Variants in IRAG1 observed in about 807,000 individuals in gnomAD.
IRAG1 encodes the protein inositol 1,4,5-triphosphate receptor associated 1.
In IRAG1, 62 loss-of-function variants were observed where a neutral mutation model predicts 106.2. That is an observed-to-expected ratio of 0.58 (90% CI 0.48 to 0.72). IRAG1 has a LOEUF of 0.72. IRAG1 is among the 30% of genes least tolerant of loss of function. The pLI is 0.00. For synonymous variants in IRAG1, 462 were observed against 443.9 expected (o/e 1.04, Z -0.51); for missense variants, 1,064 against 1,140.7 (o/e 0.93, Z 0.97).
In IRAG1 at chr11:10,628,590, A is replaced by T. The variant is rs990254997; in HGVS notation, c.652+161T>A. Among the ~76,000 whole-genome samples, 1 of 151,768 alleles carries T rather than the reference A, an allele frequency of 6.6e-6. No homozygotes were observed. Among genetic ancestry groups the T allele is most frequent in the Non-Finnish European group, 1.5e-5 (1 of 67,986 alleles). The stretch of plus-strand genomic sequence containing the variant: ...ATCTGCCTCCTCTGGGTGGCCCAGC[A>T]AATGCCCCCCCTGGAGAGGGGTCTT... On this transcript the variant is annotated intron_variant, in intron 6 of 20. Transcript: ENST00000423302. This position sits in a 1 kb window ranked among gnomAD's most constrained non-coding sequence, Gnocchi z 4.1.
rs993717182 is a variant in IRAG1, at chr11:10,628,185, A to G, written c.653-160T>C. 4 of 770,516 alleles carry G rather than the reference A, an allele frequency of 5.2e-6. No homozygotes were observed. In the African/African-American group the frequency reaches 6.9e-5, roughly 13 times the overall value. The allele number at this position is 770,516 out of a possible 1,614,324, so 47.7% of individuals were successfully genotyped here. Reference sequence around the variant, plus strand: ...GTGCCAGGTTCTCAGGTGGGCCCTCACAGAATGTTCACAGAGACCACAGGA... The same window carrying G: ...GTGCCAGGTTCTCAGGTGGGCCCTCGCAGAATGTTCACAGAGACCACAGGA... On this transcript the variant is annotated intron_variant, in intron 6 of 20. Coordinates refer to ENST00000423302, the MANE Select transcript of IRAG1 (RefSeq NM_130385.4). This position sits in a 1 kb window ranked among gnomAD's most constrained non-coding sequence, Gnocchi z 4.1.
intron 1 of IRAG1, among the ~76,000 whole-genome samples, chr11:10,672,406 C>A (rs184160697): frequency 1.9e-4 from 29 of 152,122 alleles, no homozygotes; most frequent in Non-Finnish European, 3.8e-4. Context: ...AAAATGACAA[C>A]CCACAGAATA....
intron 5 of IRAG1, among the ~76,000 whole-genome samples, chr11:10,629,038 G>A (rs1056091989): frequency 1.3e-5 from 2 of 152,034 alleles, no homozygotes; most frequent in Admixed American, 6.6e-5. Flanking sequence ...GGCCATTTGG[G>A]GGTTCGAGGA....
intron 1 of IRAG1, among the ~76,000 whole-genome samples, chr11:10,685,349 G>T (rs1861586420): frequency 1.3e-5 from 2 of 151,156 alleles, no homozygotes; most frequent in African/African-American, 4.9e-5. Context: ...TTGGGAGGCA[G>T]AGGTTGCAGT....
intron 1 of IRAG1, among the ~76,000 whole-genome samples, chr11:10,667,020 C>T (rs1372715741): frequency 6.6e-6 from 1 of 152,068 alleles, no homozygotes; most frequent in East Asian, 1.9e-4. Flanking sequence ...TTTCCTGTGC[C>T]CACAGTTGGT....
At chr11:10,601,317 C>T (rs535477257) in intron 14 of IRAG1, among the ~76,000 whole-genome samples, 31 of 152,024 alleles carry the variant, frequency 2.0e-4, no homozygotes, top group Admixed American at 4.6e-4. Flanking sequence ...TTGCAGAGAA[C>T]GGGTCAGGGG....
intron 1 of IRAG1, among the ~76,000 whole-genome samples, chr11:10,681,421 C>T (rs1300201019): frequency 6.6e-6 from 1 of 152,122 alleles, no homozygotes; most frequent in Non-Finnish European, 1.5e-5. Flanking sequence ...GGACCTGATG[C>T]CCATTCTAAC....
chr11:10,611,761 A>G (rs1854981445), intron 10 of IRAG1: 1 of 152,204 alleles, frequency 6.6e-6, no homozygotes, highest in Admixed American at 6.5e-5. Context: ...ATGGGAGAGA[A>G]AAAATTCTTA....
chr11:10,622,876 GACACACACACAC>G (rs10525799), intron 10 of IRAG1, among the ~76,000 whole-genome samples: 1 of 141,384 alleles, frequency 7.1e-6, no homozygotes, highest in Non-Finnish European at 1.6e-5. Flanking sequence ...GTAAGCAGTG[GACACACACACAC>G]ACACACACAC....
rs960474928 is a variant in IRAG1 at position 10,659,466 on chromosome 11, CAA to C, written c.68-7286_68-7285del. ...TTCCCCCAAGACTGTGTCCCCTAAA[CAA>C]AGTCACGTTTCGGGAGGCTGGCCCT... On this transcript the variant is annotated intron_variant, in intron 1 of 20. Transcript: ENST00000423302. This position sits in a 1 kb window ranked among gnomAD's most constrained non-coding sequence, Gnocchi z 4.1. 6.6e-6 allele frequency among the ~76,000 whole-genome samples: 1 copy of C among 152,164 alleles called. No homozygotes were observed. Among genetic ancestry groups the C allele is most frequent in the Non-Finnish European group, 1.5e-5 (1 of 68,028 alleles).
rs1271029419 is a variant in IRAG1 at position 10,606,671 on chromosome 11, A to C, written c.1602+71T>G. 30 of 1,460,724 alleles carry C rather than the reference A, an allele frequency of 2.1e-5. No homozygotes were observed. In the East Asian group the frequency reaches 5.6e-4, roughly 27 times the overall value. The allele number at this position is 1,460,724 out of a possible 1,614,324, so 90.5% of individuals were successfully genotyped here. A position where few individuals can be genotyped will look rare whatever the true frequency, so the allele number is the denominator to read the frequency against. On this transcript the variant is annotated intron_variant, in intron 12 of 20. Coordinates refer to ENST00000423302, the MANE Select transcript of IRAG1 (RefSeq NM_130385.4). The stretch of plus-strand genomic sequence containing the variant: ...TAAAAATGTCAGAGCTAGAGTCTGG[A>C]GGAAGAAATGTTTTGAATAAGCCCA...
intron 2 of IRAG1, among the ~76,000 whole-genome samples, chr11:10,634,420 A>C (rs1277939540): frequency 6.6e-6 from 1 of 152,186 alleles, no homozygotes; most frequent in Non-Finnish European, 1.5e-5. Context: ...GTGGTGGACA[A>C]TACTTAGCAA....
intron 1 of IRAG1, among the ~76,000 whole-genome samples, chr11:10,685,973 T>G (rs1465620384): frequency 6.6e-6 from 1 of 152,094 alleles, no homozygotes; most frequent in Admixed American, 6.5e-5. Context: ...GGGGACCAGT[T>G]AGATCTCAGG....
Position 10,626,052 on chromosome 11 carries a change from C to T in IRAG1, c.1282G>A (p.Gly428Ser), listed in dbSNP as rs757223432. 9.2e-6 allele frequency: 14 copies of T among 1,519,466 alleles called. No individual in the cohort carries two copies. The East Asian group carries it at 1.1e-4, about 12-fold the overall frequency. The allele number at this position is 1,519,466 out of a possible 1,614,324, so 94.1% of individuals were successfully genotyped here. ...AGACCAGGGGCCTTGGCCAGCTTGC[C>T]GCCGGCCTTGCCTGCAAAACGCTTT... is the stretch of plus-strand genomic sequence containing the variant. ...EEKRFAGKAGGKLAKAPGLKD... is the reference protein window; with the variant it reads ...EEKRFAGKAGSKLAKAPGLKD... The change falls in exon 9 of 21, where the codon GGC (glycine) becomes AGC (serine). Residue 428 changes from glycine (G) to serine (S), a missense_variant. Gly to Ser is a moderately conservative substitution (Grantham distance 56). Coordinates refer to ENST00000423302, the MANE Select transcript of IRAG1 (RefSeq NM_130385.4).
chr11:10,592,762 G>A (rs1429259021), intron 17 of IRAG1, among the ~76,000 whole-genome samples: 1 of 152,098 alleles, frequency 6.6e-6, no homozygotes, highest in Non-Finnish European at 1.5e-5. Context: ...AAAGGCATCA[G>A]GAAGAAAATA....
At chr11:10,587,870 G>T (rs777021061) in intron 18 of IRAG1, among the ~76,000 whole-genome samples, 12 of 152,198 alleles carry the variant, frequency 7.9e-5, no homozygotes, top group Non-Finnish European at 1.3e-4. Context: ...TATTAAAAGG[G>T]TAAGGGCATG....
In IRAG1 at chr11:10,634,090, AAC is replaced by A. The variant is rs767282532; in HGVS notation, c.226-21_226-20del. ...GAGGACCCTGCCGGTTTAGAACAAA[AAC>A]ACAGAGTTAGGCTTGGGCTGGTGGG... is the stretch of plus-strand genomic sequence containing the variant. On this transcript the variant is annotated intron_variant, in intron 2 of 20. Coordinates refer to ENST00000423302, the MANE Select transcript of IRAG1 (RefSeq NM_130385.4). 34 of 1,536,556 alleles carry A rather than the reference AAC, an allele frequency of 2.2e-5. No individual in the cohort carries two copies. The highest frequency in any genetic ancestry group is 2.7e-5 in the Non-Finnish European group (30 of 1,118,958).
At position 10,685,720 on chromosome 11, in the gene IRAG1, T is replaced by C. The variant is rs1397670953; in HGVS notation, c.67+7816A>G. Among the ~76,000 whole-genome samples, 7 of 101,870 alleles carry C rather than the reference T, an allele frequency of 6.9e-5. No homozygotes were observed. In the South Asian group the frequency reaches 1.6e-3, roughly 23 times the overall value. The allele number at this position is 101,870 out of a possible 152,430, so 66.8% of individuals were successfully genotyped here. A position where few individuals can be genotyped will look rare whatever the true frequency, so the allele number is the denominator to read the frequency against. ...CCAGGGGTCAGAGTGAGACCCTGCCTCTCTTGAAAAAAAAAAAAAAAAATT... is the reference window on the plus strand; with the variant it reads ...CCAGGGGTCAGAGTGAGACCCTGCCCCTCTTGAAAAAAAAAAAAAAAAATT... On this transcript the variant is annotated intron_variant, in intron 1 of 20. Coordinates refer to ENST00000423302, the MANE Select transcript of IRAG1 (RefSeq NM_130385.4).
At chr11:10,620,443 A>G (rs2134502221) in intron 10 of IRAG1, among the ~76,000 whole-genome samples, 1 of 152,326 alleles carries the variant, frequency 6.6e-6, no homozygotes, top group South Asian at 2.1e-4. Flanking sequence ...ATTACCAACA[A>G]AAACCAAACA....
Sources: allele counts gnomAD v4.1 joint callset (sites outside exome capture counted in the v4.1 genomes callset), GRCh38; gene constraint gnomAD v4.1.1; non-coding constraint Gnocchi (gnomAD v3.1); transcripts MANE v1.5; gene names NCBI Gene and HGNC (gene_info 2026-07-23, HGNC 2026-07-21).